NXPE2: variants seen among roughly 807,000 people sequenced by gnomAD.
NXPE2 encodes neurexophilin and PC-esterase domain family member 2.
NXPE2 carries 34 observed loss-of-function variants against 34.4 expected under a neutral mutation model. The observed-to-expected ratio is 0.99, with a 90% CI of 0.75 to 1.31. NXPE2 has a LOEUF of 1.31. Among genes scored for constraint, NXPE2 ranks in the 40% most tolerant of loss-of-function variants. NXPE2 has a pLI of 0.00. For missense variants in NXPE2, 649 were observed against 672.5 expected (o/e 0.97, Z 0.39); for synonymous variants, 235 against 231.3 (o/e 1.02, Z -0.15).
chr11:114,656,502 C>G, the NXPE2 span, among the ~76,000 whole-genome samples: 1 of 152,012 alleles, frequency 6.6e-6, no homozygotes, highest in Non-Finnish European at 1.5e-5. Flanking sequence ...GAATCATGCT[C>G]CCTAGATCCC....
At chr11:114,579,956 T>A in the NXPE2 span, among the ~76,000 whole-genome samples, 1 of 152,190 alleles carries the variant, frequency 6.6e-6, no homozygotes, top group Non-Finnish European at 1.5e-5. Flanking sequence ...TTCCTTCCAG[T>A]TAGATAGCTG....
the NXPE2 span, among the ~76,000 whole-genome samples, chr11:114,624,343 GATA>G: frequency 6.6e-6 from 1 of 151,836 alleles, no homozygotes; most frequent in Non-Finnish European, 1.5e-5. Flanking sequence ...TTACTCAGTG[GATA>G]ATAATTATTG....
At chr11:114,780,914 TGGG>T in the NXPE2 span, among the ~76,000 whole-genome samples, 2 of 151,966 alleles carry the variant, frequency 1.3e-5, no homozygotes, top group African/African-American at 4.8e-5. Context: ...GATGTGGCGT[TGGG>T]GGAGGAGAGT....
At chr11:114,496,613 G>A in the NXPE2 span, among the ~76,000 whole-genome samples, 1 of 151,990 alleles carries the variant, frequency 6.6e-6, no homozygotes, top group Non-Finnish European at 1.5e-5. Flanking sequence ...GTTTTGTTTT[G>A]TTTTTTAATC....
chr11:114,710,056 A>G (rs1288834068), downstream of NXPE2, among the ~76,000 whole-genome samples: 3 of 152,210 alleles, frequency 2.0e-5, no homozygotes, highest in Non-Finnish European at 4.4e-5. Flanking sequence ...ACAAGTGAAA[A>G]CAAAAATACA....
the NXPE2 span, chr11:114,583,943 G>T: frequency 5.4e-5 from 21 of 391,240 alleles, no homozygotes; most frequent in Middle Eastern, 8.3e-4. Context: ...GCTCCTAGAT[G>T]GGATTGATGA....
the NXPE2 span, among the ~76,000 whole-genome samples, chr11:114,650,259 AAAG>A: frequency 6.6e-6 from 1 of 152,320 alleles, no homozygotes; most frequent in South Asian, 2.1e-4. Context: ...TATAAAAAGG[AAAG>A]AAGAATCCTG....
the NXPE2 span, chr11:114,526,395 CTTCT>C: frequency 6.0e-5 from 9 of 148,920 alleles, no homozygotes; most frequent in African/African-American, 2.2e-4. Flanking sequence ...GTATTTTTTC[CTTCT>C]ATTTATATGA....
chr11:114,669,852 T>C, the NXPE2 span, among the ~76,000 whole-genome samples: 4 of 152,106 alleles, frequency 2.6e-5, no homozygotes, highest in African/African-American at 9.7e-5. Flanking sequence ...GTTCCATTAT[T>C]GGAACACTAA....
the NXPE2 span, among the ~76,000 whole-genome samples, chr11:114,489,403 A>G: frequency 6.6e-6 from 1 of 152,196 alleles, no homozygotes; most frequent in African/African-American, 2.4e-5. Flanking sequence ...AGACACAACA[A>G]AAAAAGAGAA....
chr11:114,571,935 G>A, the NXPE2 span, among the ~76,000 whole-genome samples: 1 of 152,180 alleles, frequency 6.6e-6, no homozygotes, highest in South Asian at 2.1e-4. Flanking sequence ...CTGGCTGGAG[G>A]CCAACGAACA....
At chr11:114,796,140 G>A in the NXPE2 span, among the ~76,000 whole-genome samples, 1 of 152,148 alleles carries the variant, frequency 6.6e-6, no homozygotes, top group Non-Finnish European at 1.5e-5. Flanking sequence ...CCAGTTTATT[G>A]TAGGAAGCAA....
At chr11:114,739,321 TTCCTTCCTTCCTTCCTTCCCC>T in the NXPE2 span, among the ~76,000 whole-genome samples, 1 of 56,248 alleles carries the variant, frequency 1.8e-5, no homozygotes, top group Admixed American at 2.3e-4. Context: ...CCTTCCTTCC[TTCCTTCCTTCCTTCCTTCCCC>T]CCTTCCTCTC....
the NXPE2 span, among the ~76,000 whole-genome samples, chr11:114,616,874 T>C: frequency 1.3e-5 from 2 of 151,980 alleles, no homozygotes; most frequent in East Asian, 1.9e-4. Context: ...GTAATGACTG[T>C]TACCCGCTGG....
At chr11:114,563,458 A>G in the NXPE2 span, among the ~76,000 whole-genome samples, 2 of 152,194 alleles carry the variant, frequency 1.3e-5, no homozygotes, top group South Asian at 4.1e-4. Context: ...GCTTATCTCT[A>G]AAGTTTGGGA....
the NXPE2 span, among the ~76,000 whole-genome samples, chr11:114,585,059 T>C: frequency 6.5e-4 from 99 of 152,188 alleles, no homozygotes; most frequent in African/African-American, 2.3e-3. Context: ...TGTCTGGGTC[T>C]TCAAGGTTGC....
At chr11:114,581,485 G>A in the NXPE2 span, among the ~76,000 whole-genome samples, 11 of 152,186 alleles carry the variant, frequency 7.2e-5, no homozygotes, top group African/African-American at 1.7e-4. Context: ...AAATGGGCAG[G>A]GAATTCACTG....
chr11:114,690,068 C>G lies in NXPE2; in HGVS notation c.133-7977C>G, dbSNP rs549130694. Among the ~76,000 whole-genome samples the G allele has an allele frequency of 2.6e-5, 4 of 152,152 alleles. No homozygotes were observed. The South Asian group carries it at 8.3e-4, about 32-fold the overall frequency. Reference sequence around the variant, plus strand: ...GCCACTCTATGTCTTTTAAGTGGAACATTTAGGTCATTTATGTTCAAGGTT... The same window carrying G: ...GCCACTCTATGTCTTTTAAGTGGAAGATTTAGGTCATTTATGTTCAAGGTT... On this transcript the variant is annotated intron_variant, in intron 2 of 5. Transcript: ENST00000389586.
the NXPE2 span, among the ~76,000 whole-genome samples, chr11:114,492,546 T>G: frequency 1.3e-5 from 2 of 151,604 alleles, no homozygotes; most frequent in South Asian, 4.1e-4. Flanking sequence ...TTTTTCTTTT[T>G]TTTTTTTTTT....
Sources: gnomAD v4.1 joint callset for allele counts (sites outside exome capture counted in the v4.1 genomes callset) on GRCh38, gnomAD v4.1.1 for gene constraint, MANE v1.5 for transcripts, NCBI Gene and HGNC (gene_info 2026-07-23, HGNC 2026-07-21) for gene names.